Variants in CACNA1H observed in about 807,000 individuals in gnomAD.
CACNA1H encodes the protein calcium voltage-gated channel subunit alpha1 H, also known as voltage-dependent T-type calcium channel subunit alpha-1H.
CACNA1H carries 149 observed loss-of-function variants against 192.5 expected under a neutral mutation model. The ratio of observed to expected loss-of-function variants is 0.77; its 90% CI spans 0.68 to 0.89. The LOEUF (loss-of-function observed/expected upper bound fraction) is 0.89. Among genes scored for constraint, CACNA1H ranks in the 40% least tolerant of loss-of-function variants. CACNA1H has a pLI of 0.00. For missense variants in CACNA1H, 4,257 were observed against 3,423.5 expected, an observed-to-expected ratio of 1.24 and a Z score of -6.08; for synonymous variants, 2,202 against 1,475.2, an observed-to-expected ratio of 1.49 and a Z score of -11.29.
Position 1,195,916 on chromosome 16 carries a change from C to T in CACNA1H, c.546-10C>T, listed in dbSNP as rs35509671. Reference sequence around the variant, plus strand: ...CTTGTTGAGCTGCTCCCCCTCGGCCCCGCCCCCAGCATGATGGAGTACTCG... The same window carrying T: ...CTTGTTGAGCTGCTCCCCCTCGGCCTCGCCCCCAGCATGATGGAGTACTCG... On this transcript the variant is annotated splice_polypyrimidine_tract_variant and intron_variant, in intron 4 of 34. Coordinates refer to ENST00000348261, the MANE Select transcript of CACNA1H (RefSeq NM_021098.3). The T allele has an allele frequency of 4.9e-3, 7,873 of 1,610,874 alleles. 118 individuals are homozygous for T. The highest frequency in any genetic ancestry group is 0.038 in the East Asian group (1,695 of 44,854).
At chr16:1,208,329 G>C in intron 16 of CACNA1H, 108 bp downstream of exon 16, 2 of 765,376 alleles carry the variant, frequency 2.6e-6, no homozygotes, top group Non-Finnish European at 4.3e-6. Context: ...CCACACCCTT[G>C]AAGTCCCAGC....
At chr16:1,206,371 G>A (rs1968710037) in intron 12 of CACNA1H, 82 bp downstream of exon 12, 3 of 1,349,544 alleles carry the variant, frequency 2.2e-6, no homozygotes, top group East Asian at 2.5e-5. Flanking sequence ...ACCCCCCGAA[G>A]GAGAAGGAGC....
In CACNA1H at chr16:1,211,162, C is replaced by G. The variant is rs72552039; in HGVS notation, c.4224-6C>G. The G allele has an allele frequency of 8.7e-6, 14 of 1,612,454 alleles. No homozygotes were observed. The highest frequency in any genetic ancestry group is 1.2e-5 in the Non-Finnish European group (14 of 1,179,700). ...TGACTGCAGTGTATCCTTCACTCCC[C>G]TCCAGGGTCATCAGCCGGGCCCCGG... On this transcript the variant is annotated splice_region_variant and splice_polypyrimidine_tract_variant and intron_variant, in intron 21 of 34. Coordinates refer to ENST00000348261, the MANE Select transcript of CACNA1H (RefSeq NM_021098.3).
In CACNA1H at chr16:1,208,233, C is replaced by T. The variant is rs749123905; in HGVS notation, c.3363+12C>T. On this transcript the variant is annotated intron_variant, in intron 16 of 34. Transcript: ENST00000348261. Reference sequence around the variant, plus strand: ...ACCAGAAGCCTCCGGTAGGGACCATCTCCTGCCCCAGCTCTCAGGCCCCTT... The same window carrying T: ...ACCAGAAGCCTCCGGTAGGGACCATTTCCTGCCCCAGCTCTCAGGCCCCTT... The T allele has an allele frequency of 4.5e-6, 7 of 1,542,372 alleles. No individual in the cohort carries two copies. The highest frequency in any genetic ancestry group is 6.1e-6 in the Non-Finnish European group (7 of 1,143,920).
rs370649884 is a variant in CACNA1H, at chr16:1,211,483, C to A, written c.4353C>A (p.Leu1451=). The change falls in exon 23 of 35, where the codon CTC becomes CTA. Residue 1451 remains leucine (L), a splice_region_variant and synonymous_variant. Coordinates refer to ENST00000348261, the MANE Select transcript of CACNA1H (RefSeq NM_021098.3). The part of the protein sequence containing the change: ...FIIFGILGVQ[L]FKGKFYYCEG... The stretch of plus-strand genomic sequence containing the variant: ...CGGTGACCGTCGCACCCCGTCAGCT[C>A]TTCAAAGGGAAGTTCTACTACTGCG... 1 of 1,612,336 alleles carries A rather than the reference C, an allele frequency of 6.2e-7. No individual in the cohort carries two copies. Among genetic ancestry groups the A allele is most frequent in the Admixed American group, 1.7e-5 (1 of 60,000 alleles).
intron 2 of CACNA1H, among the ~76,000 whole-genome samples, chr16:1,165,539 C>CT (rs1963674968): frequency 6.6e-6 from 1 of 152,150 alleles, no homozygotes; most frequent in African/African-American, 2.4e-5. Context: ...GCCTGGGCCC[C>CT]CCTCCCCACC....
intron 14 of CACNA1H, 74 bp from the exon 15 acceptor site, chr16:1,207,696 C>T (rs1968904591): frequency 1.5e-6 from 2 of 1,350,958 alleles, no homozygotes; most frequent in Admixed American, 2.0e-5. Flanking sequence ...CAGGCCAGCC[C>T]AGACTTCTGT....
chr16:1,191,175 A>C (rs12448506), intron 2 of CACNA1H, among the ~76,000 whole-genome samples: 6 of 81,320 alleles, frequency 7.4e-5, no homozygotes, highest in African/African-American at 4.6e-4. Flanking sequence ...GTGTGGCCTC[A>C]GGCACACTCG....
intron 2 of CACNA1H, among the ~76,000 whole-genome samples, chr16:1,161,652 G>A (rs543564998): frequency 3.9e-5 from 6 of 152,312 alleles, no homozygotes; most frequent in Admixed American, 2.6e-4. Context: ...CTGTCATCTC[G>A]GTCACTGATG....
chr16:1,205,433 G>A (rs1226129722), intron 11 of CACNA1H, among the ~76,000 whole-genome samples, 168 bp downstream of exon 11: 3 of 152,280 alleles, frequency 2.0e-5, no homozygotes, highest in East Asian at 1.9e-4. Context: ...CCAAGGGACC[G>A]TCCTGGGCAG....
chr16:1,212,727 C>G (rs886217734), intron 26 of CACNA1H, among the ~76,000 whole-genome samples, 199 bp downstream of exon 26: 2 of 152,178 alleles, frequency 1.3e-5, no homozygotes, highest in Non-Finnish European at 2.9e-5. Context: ...CGGCTCTGCC[C>G]GGCTCACAGT....
At position 1,221,047 on chromosome 16, in the gene CACNA1H, TG is replaced by T; in HGVS notation, c.*57del. 1 of 1,388,208 alleles carries T rather than the reference TG, an allele frequency of 7.2e-7. No individual in the cohort carries two copies. Among genetic ancestry groups the T allele is most frequent in the Non-Finnish European group, 9.7e-7 (1 of 1,033,724 alleles). 86.0% of individuals were successfully genotyped at this position (1,388,208 alleles called of 1,614,324 possible). A position where few individuals can be genotyped will look rare whatever the true frequency, so the allele number is the denominator to read the frequency against. ...TGGCCCTGGGGTCTGGGGGCCCCGC[TG>T]GGGTGGAGGCCCAGGCAGAACCCTG... On this transcript the variant is annotated 3_prime_UTR_variant, in exon 35 of 35. Coordinates refer to ENST00000348261, the MANE Select transcript of CACNA1H (RefSeq NM_021098.3).
Position 1,207,269 on chromosome 16 carries a change from C to A in CACNA1H, c.2908-6C>A, listed in dbSNP as rs755767121. On this transcript the variant is annotated splice_region_variant and splice_polypyrimidine_tract_variant and intron_variant, in intron 13 of 34. Coordinates refer to ENST00000348261, the MANE Select transcript of CACNA1H (RefSeq NM_021098.3). ...TGACCACCCCAGGCCCCCTGCTATC[C>A]CCCAGATCCTGACCCAGGAGGACTG... 6 of 1,601,808 alleles carry A rather than the reference C, an allele frequency of 3.7e-6. No individual in the cohort carries two copies. Among genetic ancestry groups the A allele is most frequent in the Non-Finnish European group, 5.1e-6 (6 of 1,173,150 alleles).
Position 1,180,494 on chromosome 16 carries a change from C to A in CACNA1H, c.300-14478C>A, listed in dbSNP as rs1022916208. Among the ~76,000 whole-genome samples the A allele has an allele frequency of 1.3e-5, 2 of 152,082 alleles. No individual in the cohort carries two copies. Among genetic ancestry groups the A allele is most frequent in the Non-Finnish European group, 2.9e-5 (2 of 68,004 alleles). On this transcript the variant is annotated intron_variant, in intron 2 of 34. Coordinates refer to ENST00000348261, the MANE Select transcript of CACNA1H (RefSeq NM_021098.3). This position sits in a 1 kb window ranked among gnomAD's most constrained non-coding sequence, Gnocchi z 4.4. ...GGAGGGTGGGCCTGTGTCCTGGTGT[C>A]CCTGGCGTCCCCATACCCCCTCCGA...
At chr16:1,158,749 C>T (rs1163471557) in intron 2 of CACNA1H, among the ~76,000 whole-genome samples, 2 of 152,126 alleles carry the variant, frequency 1.3e-5, no homozygotes, top group Non-Finnish European at 2.9e-5. Flanking sequence ...CTCTTGGGAA[C>T]GAGTTTGCCG....
intron 1 of CACNA1H, 47 bp downstream of exon 1, chr16:1,153,517 C>T (rs1961845633): frequency 7.2e-6 from 2 of 276,486 alleles, no homozygotes; most frequent in Admixed American, 6.1e-5. Context: ...TCAACTTGCG[C>T]GAAGCGGGCC....
At chr16:1,156,865 T>G (rs1962479833) in intron 2 of CACNA1H, 1 of 152,208 alleles carries the variant, frequency 6.6e-6, no homozygotes, top group South Asian at 2.1e-4. Flanking sequence ...AGGGAGCACA[T>G]GCGTGCTGGC....
rs200832286 is a variant in CACNA1H, at chr16:1,208,220, C to T, written c.3362C>T (p.Pro1121Leu). The stretch of plus-strand genomic sequence containing the variant: ...CCGCCACTGGGAGACCAGAAGCCTC[C>T]GGTAGGGACCATCTCCTGCCCCAGC... ...GDPPLGDQKPPASLRSSPCAP... is the reference protein window; with the variant it reads ...GDPPLGDQKPLASLRSSPCAP... The change falls in exon 16 of 35, where the codon CCG (proline) becomes CTG (leucine). Residue 1121 changes from proline to leucine, a missense_variant and splice_region_variant. Coordinates refer to ENST00000348261, the MANE Select transcript of CACNA1H (RefSeq NM_021098.3). 4.1e-4 allele frequency: 637 copies of T among 1,555,508 alleles called. 1 individual carries two copies. The highest frequency in any genetic ancestry group is 1.8e-3 in the Middle Eastern group (8 of 4,432).
chr16:1,174,355 CTAAT>C (rs1050968558), intron 2 of CACNA1H, among the ~76,000 whole-genome samples: 2 of 152,180 alleles, frequency 1.3e-5, no homozygotes, highest in Admixed American at 6.5e-5. Flanking sequence ...ATGGAGGTAA[CTAAT>C]GTTTCACAGC....
Sources: gnomAD v4.1 joint callset for allele counts (sites outside exome capture counted in the v4.1 genomes callset) on GRCh38, gnomAD v4.1.1 for gene constraint, Gnocchi (gnomAD v3.1) non-coding constraint, MANE v1.5 for transcripts, NCBI Gene and HGNC (gene_info 2026-07-23, HGNC 2026-07-21) for gene names.